The following LARGE1 variants were observed in gnomAD, a reference collection of about 807,000 sequenced individuals.
The protein encoded by LARGE1 is xylosyl- and glucuronyltransferase LARGE1.
In LARGE1, 43 loss-of-function variants were observed where a neutral mutation model predicts 87.6. The ratio of observed to expected loss-of-function variants is 0.49; its 90% CI spans 0.38 to 0.63. LARGE1 has a LOEUF of 0.63. Among genes scored for constraint, LARGE1 ranks in the 30% least tolerant of loss-of-function variants. The probability of loss-of-function intolerance (pLI) is 0.00; values close to 1 mark genes in which losing one functional copy is unlikely to be tolerated. For synonymous variants in LARGE1, 434 were observed against 394.6 expected (o/e 1.10, Z -1.18); for missense variants, 802 against 1,000.2 (o/e 0.80, Z 2.67).
intron 2 of LARGE1, among the ~76,000 whole-genome samples, chr22:33,671,078 A>C (rs1372661854): frequency 6.6e-5 from 10 of 152,164 alleles, no homozygotes. Flanking sequence ...CGAAGTGGGG[A>C]CCAGTGAAAG....
chr22:33,423,954 C>A (rs1019904711), intron 7 of LARGE1, among the ~76,000 whole-genome samples: 2 of 152,110 alleles, frequency 1.3e-5, no homozygotes, highest in Non-Finnish European at 2.9e-5. Context: ...TACAGAAGTA[C>A]AGAAAGGGGA....
At chr22:33,095,582 A>G in the LARGE1 span, among the ~76,000 whole-genome samples, 1 of 152,228 alleles carries the variant, frequency 6.6e-6, no homozygotes, top group Non-Finnish European at 1.5e-5. Flanking sequence ...TTCAACCCAC[A>G]GCACTAGGCT....
At chr22:33,533,656 T>C (rs2076959733) in intron 6 of LARGE1, among the ~76,000 whole-genome samples, 1 of 152,134 alleles carries the variant, frequency 6.6e-6, no homozygotes, top group African/African-American at 2.4e-5. Context: ...TAAATGTATG[T>C]TTGTGTTTAT....
At chr22:33,312,313 C>T (rs1224864634) in intron 11 of LARGE1, among the ~76,000 whole-genome samples, 4 of 151,970 alleles carry the variant, frequency 2.6e-5, no homozygotes, top group African/African-American at 4.8e-5. Context: ...TGGTGGTGCG[C>T]GCCTGTAGTC....
intron 7 of LARGE1, among the ~76,000 whole-genome samples, chr22:33,384,781 T>A (rs1053947014): frequency 4.0e-5 from 6 of 148,476 alleles, no homozygotes; most frequent in Non-Finnish European, 6.0e-5. Flanking sequence ...CTCACCACAA[T>A]AATGAAAAAA....
At chr22:33,671,340 T>G (rs1224664715) in intron 2 of LARGE1, among the ~76,000 whole-genome samples, 1 of 152,216 alleles carries the variant, frequency 6.6e-6, no homozygotes, top group East Asian at 1.9e-4. Flanking sequence ...CATCATGAGA[T>G]GTCTAGAGAA....
intron 2 of LARGE1, among the ~76,000 whole-genome samples, chr22:33,710,653 T>C (rs1301503224): frequency 2.6e-5 from 4 of 152,204 alleles, no homozygotes; most frequent in Admixed American, 6.5e-5. Context: ...AGCAGAGGAA[T>C]AGAATGATGC....
intron 1 of LARGE1, among the ~76,000 whole-genome samples, chr22:33,817,470 G>A (rs1170182440): frequency 2.0e-5 from 3 of 152,046 alleles, no homozygotes; most frequent in African/African-American, 4.8e-5. Flanking sequence ...CAGGGGACCC[G>A]TGGGGCAGAC....
chr22:33,678,656 G>A (rs1459785957), intron 2 of LARGE1, among the ~76,000 whole-genome samples: 1 of 152,182 alleles, frequency 6.6e-6, no homozygotes, highest in Admixed American at 6.5e-5. Flanking sequence ...GCTTCTCCAA[G>A]CTGACCCAGA....
At chr22:33,539,379 A>G (rs1022586055) in intron 6 of LARGE1, among the ~76,000 whole-genome samples, 3 of 152,194 alleles carry the variant, frequency 2.0e-5, no homozygotes, top group African/African-American at 7.2e-5. Flanking sequence ...ACCAACCCTG[A>G]GGACTGGATG....
At chr22:33,523,392 C>T (rs908886061) in intron 6 of LARGE1, among the ~76,000 whole-genome samples, 3 of 152,176 alleles carry the variant, frequency 2.0e-5, no homozygotes, top group Non-Finnish European at 4.4e-5. Context: ...TAAAAACCAA[C>T]AACCTGCATT....
intron 3 of LARGE1, among the ~76,000 whole-genome samples, chr22:33,642,819 T>C (rs758908040): frequency 1.4e-5 from 2 of 147,528 alleles, no homozygotes; most frequent in Non-Finnish European, 3.0e-5. Flanking sequence ...CATTACATAA[T>C]GGTAAAGGGA....
chr22:33,596,468 A>G (rs1367472374), intron 5 of LARGE1, among the ~76,000 whole-genome samples: 1 of 152,224 alleles, frequency 6.6e-6, no homozygotes, highest in Non-Finnish European at 1.5e-5. Flanking sequence ...CACACAGATA[A>G]TCCAAGAACC....
At chr22:33,770,954 T>C (rs1422644667) in intron 1 of LARGE1, among the ~76,000 whole-genome samples, 1 of 152,094 alleles carries the variant, frequency 6.6e-6, no homozygotes, top group Non-Finnish European at 1.5e-5. Flanking sequence ...TATCTGCCAC[T>C]TCACATTAAC....
chr22:33,563,089 C>T (rs893451787), intron 6 of LARGE1: 4 of 152,446 alleles, frequency 2.6e-5, no homozygotes, highest in Admixed American at 2.0e-4. Flanking sequence ...GGGTGTCCCA[C>T]GAAGGGGTGT....
chr22:33,839,590 C>T (rs2063211817), intron 1 of LARGE1, among the ~76,000 whole-genome samples: 1 of 152,208 alleles, frequency 6.6e-6, no homozygotes, highest in Non-Finnish European at 1.5e-5. Context: ...AGAACATTCT[C>T]ATTCTACCGC....
At chr22:33,710,789 G>A (rs1259989547) in intron 2 of LARGE1, among the ~76,000 whole-genome samples, 1 of 152,170 alleles carries the variant, frequency 6.6e-6, no homozygotes, top group African/African-American at 2.4e-5. Context: ...ATTAGAGAAG[G>A]AAATGGCAAA....
the LARGE1 span, among the ~76,000 whole-genome samples, chr22:33,082,496 G>T: frequency 1.3e-5 from 2 of 152,166 alleles, no homozygotes; most frequent in African/African-American, 2.4e-5. Context: ...CTTTGAAGCT[G>T]CTTGACATCT....
intron 1 of LARGE1, among the ~76,000 whole-genome samples, chr22:33,782,036 T>C (rs1182960224): frequency 1.3e-5 from 2 of 152,136 alleles, no homozygotes; most frequent in African/African-American, 2.4e-5. Flanking sequence ...TAATACAATG[T>C]AAATTATCTG....
Sources: gnomAD v4.1 joint callset for allele counts (sites outside exome capture counted in the v4.1 genomes callset) on GRCh38, gnomAD v4.1.1 for gene constraint, MANE v1.5 for transcripts, NCBI Gene and HGNC (gene_info 2026-07-23, HGNC 2026-07-21) for gene names.